SLC26A7: variants seen among roughly 807,000 people sequenced by gnomAD.
SLC26A7 encodes anion exchange transporter.
SLC26A7 carries 59 observed loss-of-function variants against 82.5 expected under a neutral mutation model. That is an observed-to-expected ratio of 0.72 (90% CI 0.58 to 0.89). The LOEUF (loss-of-function observed/expected upper bound fraction) is 0.89, where lower values mean the gene tolerates loss of function less well. SLC26A7 is among the 40% of genes least tolerant of loss of function. SLC26A7 has a pLI of 0.00. For missense variants in SLC26A7, 820 were observed against 793.0 expected (o/e 1.03, Z -0.41); for synonymous variants, 271 against 274.3 (o/e 0.99, Z 0.12).
chr8:91,352,941 T>A lies in SLC26A7; in HGVS notation c.1259T>A (p.Met420Lys). 6.2e-7 allele frequency: 1 copy of A among 1,609,008 alleles called. No homozygotes were observed. Among genetic ancestry groups the A allele is most frequent in the Non-Finnish European group, 8.5e-7 (1 of 1,177,586 alleles). ...ATTATTGTTGTGGGACTGAAGGGAA[T>A]GCTAATACAGTTCCGAGATTTAAAA... is the stretch of plus-strand genomic sequence containing the variant. ...ASIIVVGLKG[M>K]LIQFRDLKKY... The change falls in exon 11 of 19, where the codon ATG becomes AAG. Residue 420 changes from methionine to lysine, a missense_variant. By Grantham distance (95) the Met-to-Lys change is moderately conservative. Transcript: ENST00000276609.
chr8:91,234,186 C>A (rs1439929521), intron 2 of SLC26A7, among the ~76,000 whole-genome samples: 1 of 152,094 alleles, frequency 6.6e-6, no homozygotes, highest in African/African-American at 2.4e-5. Context: ...TGACTACCAT[C>A]TTTCTGTGTG....
intron 2 of SLC26A7, among the ~76,000 whole-genome samples, chr8:91,231,573 T>TTTTTC (rs556033191): frequency 1.8e-4 from 28 of 152,280 alleles, no homozygotes; most frequent in East Asian, 1.7e-3. Context: ...TTCTTTTTTC[T>TTTTTC]TTTTCTTTTC....
intron 11 of SLC26A7, among the ~76,000 whole-genome samples, chr8:91,354,307 A>G (rs1315860098): frequency 6.6e-6 from 1 of 152,164 alleles, no homozygotes; most frequent in Non-Finnish European, 1.5e-5. Context: ...AGAATTGAAG[A>G]ATTGCATTAC....
chr8:91,386,287 GTAAA>G (rs1231127374), intron 15 of SLC26A7, among the ~76,000 whole-genome samples: 1 of 152,040 alleles, frequency 6.6e-6, no homozygotes, highest in Non-Finnish European at 1.5e-5. Context: ...ATGTTTGGTA[GTAAA>G]TAAATAATAA....
In SLC26A7 at chr8:91,317,586, T is replaced by A. The variant is rs113845855; in HGVS notation, c.478-630T>A. Among the ~76,000 whole-genome samples, 202 of 152,322 alleles carry A rather than the reference T, an allele frequency of 1.3e-3. 2 individuals are homozygous for A. Among genetic ancestry groups the A allele is most frequent in the African/African-American group, 4.8e-3 (199 of 41,566 alleles). On this transcript the variant is annotated intron_variant, in intron 4 of 18. Transcript: ENST00000276609. ...CAACCTCTGGCATAAATGGGTTACT[T>A]CTTGACCAAGTATCTGGTCAAAGAG...
In SLC26A7 at chr8:91,389,424, T is replaced by A; in HGVS notation, c.1762T>A (p.Ser588Thr). ...TACCTTTTTTGACTATTCTGGAGTC[T>A]CCATGCTTGTTGAGGTATTTATGGA... ...GFTFFDYSGV[S>T]MLVEVYMDCK... is the part of the protein sequence containing the mutation. Residue 588 changes from serine to threonine, a missense_variant, in exon 16 of 19, where the codon TCC (serine) becomes ACC (threonine). Transcript: ENST00000276609. 1.2e-6 allele frequency: 2 copies of A among 1,611,970 alleles called. No individual in the cohort carries two copies. The highest frequency in any genetic ancestry group is 8.5e-7 in the Non-Finnish European group (1 of 1,178,014).
At chr8:91,359,873 G>GAA in intron 11 of SLC26A7, among the ~76,000 whole-genome samples, 1 of 126,624 alleles carries the variant, frequency 7.9e-6, no homozygotes, top group South Asian at 2.3e-4. Context: ...AATTATCCAA[G>GAA]ATATGTGTGT....
intron 1 of SLC26A7, among the ~76,000 whole-genome samples, chr8:91,210,546 G>GAC (rs1166789108): frequency 2.7e-5 from 3 of 112,854 alleles, no homozygotes; most frequent in African/African-American, 7.7e-5. Flanking sequence ...TTTAAACACA[G>GAC]ACACACACAC....
chr8:91,280,578 G>A (rs970897879), intron 2 of SLC26A7, among the ~76,000 whole-genome samples: 4 of 152,150 alleles, frequency 2.6e-5, no homozygotes, highest in South Asian at 2.1e-4. Context: ...TCTCTCTCTT[G>A]TCAAAGTCAA....
At chr8:91,352,664 CTTG>C (rs903286931) in intron 10 of SLC26A7, among the ~76,000 whole-genome samples, 4 of 151,934 alleles carry the variant, frequency 2.6e-5, no homozygotes, top group Non-Finnish European at 4.4e-5. Context: ...TCTTTTTGCT[CTTG>C]TTGTTTAGAA....
intron 4 of SLC26A7, among the ~76,000 whole-genome samples, chr8:91,316,117 T>G (rs1812623062): frequency 6.6e-6 from 1 of 152,140 alleles, no homozygotes; most frequent in Non-Finnish European, 1.5e-5. Context: ...TGTATTATGA[T>G]CAGAATAAAG....
intron 8 of SLC26A7, among the ~76,000 whole-genome samples, chr8:91,341,276 T>C (rs1462172616): frequency 6.6e-6 from 1 of 152,120 alleles, no homozygotes; most frequent in East Asian, 1.9e-4. Context: ...CTGAGAATGA[T>C]GATTTCCAAT....
At position 91,389,427 on chromosome 8, in the gene SLC26A7, A is replaced by G; in HGVS notation, c.1765A>G (p.Met589Val). 8.1e-6 allele frequency: 13 copies of G among 1,611,486 alleles called. No individual in the cohort carries two copies. The highest frequency in any genetic ancestry group is 1.1e-5 in the Non-Finnish European group (13 of 1,177,654). The change falls in exon 16 of 19, where the codon ATG becomes GTG. Residue 589 changes from methionine (M) to valine (V), a missense_variant. Met to Val is a conservative substitution (Grantham distance 21, BLOSUM62 1). Transcript: ENST00000276609. ...CTTTTTTGACTATTCTGGAGTCTCC[A>G]TGCTTGTTGAGGTATTTATGGAACT... ...FTFFDYSGVS[M>V]LVEVYMDCKG...
At chr8:91,304,766 A>G (rs1812258217) in intron 4 of SLC26A7, among the ~76,000 whole-genome samples, 2 of 152,146 alleles carry the variant, frequency 1.3e-5, no homozygotes, top group African/African-American at 2.4e-5. Flanking sequence ...GCTCTTTCCC[A>G]CATTTTACCT....
chr8:91,263,550 G>A (rs1343278869), intron 2 of SLC26A7, among the ~76,000 whole-genome samples: 4 of 152,008 alleles, frequency 2.6e-5, no homozygotes. Context: ...CTATACAAAT[G>A]CTGACATTTA....
rs551482712 is a variant in SLC26A7, at chr8:91,318,386, T to G, written c.642+6T>G. 3.1e-6 allele frequency: 5 copies of G among 1,595,010 alleles called. No homozygotes were observed. The South Asian group carries it at 5.6e-5, about 18-fold the overall frequency. On this transcript the variant is annotated splice_donor_region_variant and intron_variant, in intron 5 of 18. Coordinates refer to ENST00000276609, the MANE Select transcript of SLC26A7 (RefSeq NM_052832.4). ...GACCACTTGGATTCTTTTATGTGAG[T>G]TTTTCGTATGCTTTCATACATATCT...
chr8:91,238,968 A>G (rs1810429475), intron 2 of SLC26A7, among the ~76,000 whole-genome samples: 1 of 152,214 alleles, frequency 6.6e-6, no homozygotes, highest in African/African-American at 2.4e-5. Flanking sequence ...AGGCGTAAGT[A>G]CTATGTGCTA....
At chr8:91,283,250 G>A (rs1367799866) in intron 2 of SLC26A7, among the ~76,000 whole-genome samples, 1 of 152,136 alleles carries the variant, frequency 6.6e-6, no homozygotes, top group Non-Finnish European at 1.5e-5. Context: ...TACAGAAAGA[G>A]AAGGGGAGAA....
At chr8:91,297,928 A>G (rs1812058778) in intron 4 of SLC26A7, among the ~76,000 whole-genome samples, 1 of 152,192 alleles carries the variant, frequency 6.6e-6, no homozygotes, top group South Asian at 2.1e-4. Flanking sequence ...TATTTAGGTT[A>G]ATAAGATTGT....
Sources: gnomAD v4.1 joint callset for allele counts (sites outside exome capture counted in the v4.1 genomes callset) on GRCh38, gnomAD v4.1.1 for gene constraint, MANE v1.5 for transcripts, NCBI Gene and HGNC (gene_info 2026-07-23, HGNC 2026-07-21) for gene names.